The following ITGA8 variants were observed in gnomAD, a reference collection of about 807,000 sequenced individuals.
ITGA8 encodes integrin alpha-8.
A neutral mutation model predicts 142.3 loss-of-function variants in ITGA8; 91 were observed. The ratio of observed to expected loss-of-function variants is 0.64; its 90% CI spans 0.54 to 0.76. The LOEUF (loss-of-function observed/expected upper bound fraction) is 0.76, where lower values mean the gene tolerates loss of function less well. Among genes scored for constraint, ITGA8 ranks in the 30% least tolerant of loss-of-function variants. ITGA8 has a pLI of 0.00. For missense variants in ITGA8, 1,406 were observed against 1,327.7 expected, an observed-to-expected ratio of 1.06 and a Z score of -0.92; for synonymous variants, 505 against 485.2, an observed-to-expected ratio of 1.04 and a Z score of -0.54.
At position 15,517,225 on chromosome 10, in the gene ITGA8, G is replaced by T; in HGVS notation, c.3125C>A (p.Ala1042Asp). 6.2e-7 allele frequency: 1 copy of T among 1,612,828 alleles called. No individual in the cohort carries two copies. The highest frequency in any genetic ancestry group is 8.5e-7 in the Non-Finnish European group (1 of 1,179,244). ...ALWKCGFFDRARPPQEDMTDR... is the reference protein window; with the variant it reads ...ALWKCGFFDRDRPPQEDMTDR... ...GGTCATGTCCTCCTGAGGAGGTCTG[G>T]CTCTGTCAAAGAATCCACACTATAA... The change falls in exon 30 of 30, where the codon GCC becomes GAC. Residue 1042 changes from alanine to aspartate, a missense_variant. Physicochemically the swap from Ala to Asp is moderately radical, Grantham distance 126. Transcript: ENST00000378076.
At chr10:15,698,808 T>C (rs1835104495) in intron 2 of ITGA8, among the ~76,000 whole-genome samples, 1 of 152,226 alleles carries the variant, frequency 6.6e-6, no homozygotes, top group South Asian at 2.1e-4. Context: ...CTGGATATTA[T>C]TAGTCCTTTG....
At chr10:15,691,896 C>T (rs1268501943) in intron 2 of ITGA8, among the ~76,000 whole-genome samples, 1 of 152,086 alleles carries the variant, frequency 6.6e-6, no homozygotes, top group Non-Finnish European at 1.5e-5. Context: ...AATTATTTCC[C>T]AATGTATAAA....
rs373851221 is a variant in ITGA8, at chr10:15,656,352, CTTT to C, written c.949-949_949-947del. Among the ~76,000 whole-genome samples the C allele has an allele frequency of 3.0e-4, 45 of 152,014 alleles. No individual in the cohort carries two copies. The South Asian group carries it at 8.9e-3, about 30-fold the overall frequency. Reference sequence around the variant, plus strand: ...TACACAGTGTACCATAGTCTCCCCACTTTTTTATTTATTTATTTATTTATTTTT... The same window carrying C: ...TACACAGTGTACCATAGTCTCCCCACTTTATTTATTTATTTATTTATTTTT... On this transcript the variant is annotated intron_variant, in intron 10 of 29. Transcript: ENST00000378076.
chr10:15,610,643 G>A (rs1366901976), intron 15 of ITGA8, among the ~76,000 whole-genome samples: 3 of 152,158 alleles, frequency 2.0e-5, no homozygotes, highest in Non-Finnish European at 4.4e-5. Context: ...ACCCAAGCAC[G>A]GTTGGAATAA....
At position 15,572,247 on chromosome 10, in the gene ITGA8, G is replaced by A. The variant is rs1417148270; in HGVS notation, c.2601C>T (p.Cys867=). The change falls in exon 25 of 30, where the codon TGC becomes TGT. Residue 867 remains cysteine (C), a synonymous_variant. Coordinates refer to ENST00000378076, the MANE Select transcript of ITGA8 (RefSeq NM_003638.3). ...FHIQTLGPLQ[C]QPNPNINPQD... Reference sequence around the variant, plus strand: ...GTGGATTGATATTAGGATTTGGTTGGCACTGCAGAGGTCCCAGAGTTTGAA... The same window carrying A: ...GTGGATTGATATTAGGATTTGGTTGACACTGCAGAGGTCCCAGAGTTTGAA... 2 of 1,613,828 alleles carry A rather than the reference G, an allele frequency of 1.2e-6. No homozygotes were observed. Among genetic ancestry groups the A allele is most frequent in the African/African-American group, 1.3e-5 (1 of 74,982 alleles).
intron 27 of ITGA8, among the ~76,000 whole-genome samples, chr10:15,534,710 G>T (rs547735212): frequency 1.3e-5 from 2 of 150,882 alleles, no homozygotes; most frequent in Non-Finnish European, 2.9e-5. Context: ...CCTTTGAAGG[G>T]GATATTGATA....
rs767437932 is a variant in ITGA8, at chr10:15,572,257, G to A, written c.2591C>T (p.Pro864Leu). Reference sequence around the variant, plus strand: ...ATTAGGATTTGGTTGGCACTGCAGAGGTCCCAGAGTTTGAATATGGAAAAT... The same window carrying A: ...ATTAGGATTTGGTTGGCACTGCAGAAGTCCCAGAGTTTGAATATGGAAAAT... The part of the protein sequence containing the change: ...LYIFHIQTLG[P>L]LQCQPNPNIN... Residue 864 changes from proline (P) to leucine (L), a missense_variant, in exon 25 of 30, where the codon CCT (proline) becomes CTT (leucine). Pro to Leu is a moderately conservative substitution (Grantham distance 98). Coordinates refer to ENST00000378076, the MANE Select transcript of ITGA8 (RefSeq NM_003638.3). 3.1e-6 allele frequency: 5 copies of A among 1,613,788 alleles called. No homozygotes were observed. In the African/African-American group the frequency reaches 5.3e-5, roughly 17 times the overall value.
intron 25 of ITGA8, among the ~76,000 whole-genome samples, chr10:15,571,143 G>A (rs1834174063): frequency 6.6e-6 from 1 of 152,162 alleles, no homozygotes; most frequent in African/African-American, 2.4e-5. Flanking sequence ...TAAAGGAGGA[G>A]GCTGTTGTCT....
intron 28 of ITGA8, among the ~76,000 whole-genome samples, chr10:15,530,354 T>G (rs1433636256): frequency 6.6e-6 from 1 of 152,024 alleles, no homozygotes; most frequent in Non-Finnish European, 1.5e-5. Flanking sequence ...GAGATCAGCC[T>G]GGCCAACATG....
At chr10:15,641,126 T>C (rs989157610) in intron 13 of ITGA8, among the ~76,000 whole-genome samples, 2 of 152,138 alleles carry the variant, frequency 1.3e-5, no homozygotes, top group Non-Finnish European at 2.9e-5. Context: ...CGATATCGGC[T>C]CACTGCAACC....
chr10:15,680,999 C>G (rs1834726884), intron 4 of ITGA8, among the ~76,000 whole-genome samples: 1 of 151,902 alleles, frequency 6.6e-6, no homozygotes. Context: ...TCCAAGGAAG[C>G]ATGTGGATAA....
chr10:15,578,543 T>C (rs1834340867), intron 23 of ITGA8, among the ~76,000 whole-genome samples: 1 of 152,118 alleles, frequency 6.6e-6, no homozygotes, highest in Non-Finnish European at 1.5e-5. Flanking sequence ...TTTCAGTAAG[T>C]TGAAGTATAT....
intron 27 of ITGA8, among the ~76,000 whole-genome samples, chr10:15,547,352 A>T (rs1163095804): frequency 1.3e-5 from 2 of 152,236 alleles, no homozygotes; most frequent in African/African-American, 4.8e-5. Flanking sequence ...CACGTGGATC[A>T]GTCGAGGCCA....
chr10:15,604,396 T>C (rs1234449186), intron 19 of ITGA8, 41 bp from the exon 20 acceptor site: 12 of 1,514,546 alleles, frequency 7.9e-6, no homozygotes, highest in Non-Finnish European at 1.1e-5. Flanking sequence ...GTACTCTACT[T>C]CTTGGCTTCG....
In ITGA8 at chr10:15,606,421, T is replaced by C. The variant is rs1403194583; in HGVS notation, c.1766A>G (p.Asp589Gly). The C allele has an allele frequency of 6.3e-7, 1 of 1,587,974 alleles. No individual in the cohort carries two copies. Among genetic ancestry groups the C allele is most frequent in the Non-Finnish European group, 8.6e-7 (1 of 1,159,534 alleles). Residue 589 changes from aspartate (D) to glycine (G), a missense_variant and splice_region_variant, in exon 18 of 30, where the codon GAT becomes GGT. By Grantham distance (94) the Asp-to-Gly change is moderately conservative. Transcript: ENST00000378076. ...QCQDFIVYLR[D>G]ETEFRDKLSP... is the part of the protein sequence containing the mutation. ...TAATTTATCTCGGAATTCAGTTTCA[T>C]CCTAGGAAAAATAATCACAAACTCA... is the stretch of plus-strand genomic sequence containing the variant.
intron 2 of ITGA8, among the ~76,000 whole-genome samples, chr10:15,716,265 G>C (rs1835449805): frequency 6.6e-6 from 1 of 152,106 alleles, no homozygotes; most frequent in Admixed American, 6.5e-5. Flanking sequence ...TATGATTGTA[G>C]TTGATAAGTA....
intron 20 of ITGA8, among the ~76,000 whole-genome samples, chr10:15,602,491 G>A (rs752605293): frequency 7.2e-5 from 11 of 152,096 alleles, no homozygotes; most frequent in East Asian, 1.9e-4. Flanking sequence ...TAATATCAGC[G>A]CTTTGGAAGG....
At position 15,646,994 on chromosome 10, in the gene ITGA8, G is replaced by T; in HGVS notation, c.1059C>A (p.Asn353Lys). Reference protein sequence around the residue: ...PLFMEREFESNPREVGQIYLY... With the variant: ...PLFMEREFESKPREVGQIYLY... ...GGTAGATTTGCCCTACTTCTCTGGG[G>T]TTGCTCTCAAATTCACGTTCCATAA... Residue 353 changes from asparagine (N) to lysine (K), a missense_variant, in exon 12 of 30, where the codon AAC (asparagine) becomes AAA (lysine). Coordinates refer to ENST00000378076, the MANE Select transcript of ITGA8 (RefSeq NM_003638.3). 1 of 1,614,012 alleles carries T rather than the reference G, an allele frequency of 6.2e-7. No homozygotes were observed. The highest frequency in any genetic ancestry group is 8.5e-7 in the Non-Finnish European group (1 of 1,180,000).
At chr10:15,551,392 GT>G (rs1833791103) in intron 26 of ITGA8, among the ~76,000 whole-genome samples, 1 of 151,982 alleles carries the variant, frequency 6.6e-6, no homozygotes, top group African/African-American at 2.4e-5. Context: ...AGGAGGGGAT[GT>G]TTTCGGGGGA....
Sources: allele counts gnomAD v4.1 joint callset (sites outside exome capture counted in the v4.1 genomes callset), GRCh38; gene constraint gnomAD v4.1.1; transcripts MANE v1.5; gene names NCBI Gene and HGNC (gene_info 2026-07-23, HGNC 2026-07-21).